Variants in KCNQ1 observed in about 807,000 individuals in gnomAD.
The protein encoded by KCNQ1 is potassium voltage-gated channel subfamily Q member 1.
In KCNQ1, 49 loss-of-function variants were observed where a neutral mutation model predicts 72.4. The ratio of observed to expected loss-of-function variants is 0.68; its 90% CI spans 0.54 to 0.86. The LOEUF (loss-of-function observed/expected upper bound fraction) is 0.86, where lower values mean the gene tolerates loss of function less well. Ranked by LOEUF, KCNQ1 falls within the 40% of genes least tolerant of loss-of-function variation. KCNQ1 has a pLI of 0.00. For missense variants in KCNQ1, 790 were observed against 945.1 expected, an observed-to-expected ratio of 0.84 and a Z score of 2.15; for synonymous variants, 450 against 412.6, an observed-to-expected ratio of 1.09 and a Z score of -1.10.
At chr11:2,722,827 C>A (rs1845691789) in intron 11 of KCNQ1, among the ~76,000 whole-genome samples, 1 of 152,192 alleles carries the variant, frequency 6.6e-6, no homozygotes, top group South Asian at 2.1e-4. Context: ...GCTCAGCCAA[C>A]TGACACCAGG....
intron 6 of KCNQ1, among the ~76,000 whole-genome samples, chr11:2,575,231 G>A (rs962970555): frequency 4.6e-5 from 7 of 152,194 alleles, no homozygotes; most frequent in African/African-American, 1.2e-4. Context: ...CCCGCTGGCC[G>A]GGAACACGGC....
chr11:2,532,815 G>A (rs748522258), intron 2 of KCNQ1, among the ~76,000 whole-genome samples: 9 of 152,220 alleles, frequency 5.9e-5, no homozygotes, highest in Non-Finnish European at 1.2e-4. Flanking sequence ...GGAGGAGTGA[G>A]GACGGCTGTT....
Position 2,698,724 on chromosome 11 carries a change from C to T in KCNQ1, c.1514+36643C>T, listed in dbSNP as rs960708587. On this transcript the variant is annotated intron_variant, in intron 11 of 15. Transcript: ENST00000155840. The surrounding 1 kb of genome is among the most constrained non-coding windows in gnomAD (Gnocchi z 5.1). ...TCCAGACCCTGACTCCAGTCGCCAA[C>T]TCGGACCTCCCTTGGATCTCAACTC... 7.5e-6 allele frequency: 3 copies of T among 398,858 alleles called. No homozygotes were observed. Among genetic ancestry groups the T allele is most frequent in the African/African-American group, 2.1e-5 (1 of 48,610 alleles). 24.7% of individuals were successfully genotyped at this position (398,858 alleles called of 1,614,324 possible).
At chr11:2,722,363 C>T (rs1340655066) in intron 11 of KCNQ1, among the ~76,000 whole-genome samples, 1 of 152,176 alleles carries the variant, frequency 6.6e-6, no homozygotes, top group Non-Finnish European at 1.5e-5. Flanking sequence ...GAGGCAAGGC[C>T]AGCCCATCCT....
intron 10 of KCNQ1, chr11:2,616,950 A>G (rs1589983635): frequency 2.6e-6 from 1 of 381,450 alleles, no homozygotes; most frequent in Non-Finnish European, 4.5e-6. Context: ...CTGGCTGTAC[A>G]TTATCTTGTT....
chr11:2,447,826 G>A lies in KCNQ1; in HGVS notation c.386+2342G>A, dbSNP rs983037914. ...TGCAGGGGGGTTGAGGCAGGAGCCG[G>A]TGTTCCGCTGACCCTACAGGGCTAG... is the stretch of plus-strand genomic sequence containing the variant. On this transcript the variant is annotated intron_variant, in intron 1 of 15. Coordinates refer to ENST00000155840, the MANE Select transcript of KCNQ1 (RefSeq NM_000218.3). The surrounding 1 kb of genome is among the most constrained non-coding windows in gnomAD (Gnocchi z 7.6). 3.3e-5 allele frequency among the ~76,000 whole-genome samples: 5 copies of A among 152,176 alleles called. No homozygotes were observed. The highest frequency in any genetic ancestry group is 5.9e-5 in the Non-Finnish European group (4 of 68,002).
At chr11:2,634,111 A>G (rs996109377) in intron 10 of KCNQ1, 1 of 379,220 alleles carries the variant, frequency 2.6e-6, no homozygotes, top group East Asian at 3.6e-5. Context: ...TGTTTTTGCT[A>G]TTTCGGTGAA....
intron 1 of KCNQ1, among the ~76,000 whole-genome samples, chr11:2,452,540 C>T (rs1303330038): frequency 2.1e-4 from 31 of 151,074 alleles, no homozygotes; most frequent in Admixed American, 1.3e-3. Flanking sequence ...GGAGACGGGG[C>T]GGGAACCTCC....
chr11:2,464,742 C>T lies in KCNQ1; in HGVS notation c.386+19258C>T, dbSNP rs539564742. Among the ~76,000 whole-genome samples, 12 of 152,192 alleles carry T rather than the reference C, an allele frequency of 7.9e-5. No homozygotes were observed. The highest frequency in any genetic ancestry group is 1.3e-4 in the Non-Finnish European group (9 of 67,990). ...ATGCTGGTGGGAAGAACAGTCTGGG[C>T]GAGGAGGAAAGGGTGGCTCTGCTGA... On this transcript the variant is annotated intron_variant, in intron 1 of 15. Transcript: ENST00000155840. This position sits in a 1 kb window ranked among gnomAD's most constrained non-coding sequence, Gnocchi z 5.0.
chr11:2,675,587 A>C (rs897312805), intron 11 of KCNQ1: 7 of 398,504 alleles, frequency 1.8e-5, no homozygotes, highest in Middle Eastern at 1.2e-3. Flanking sequence ...ACTTCCTAGG[A>C]GATCCCAATT....
At position 2,704,257 on chromosome 11, in the gene KCNQ1, G is replaced by A. The variant is rs980403101; in HGVS notation, c.1514+42176G>A. Among the ~76,000 whole-genome samples the A allele has an allele frequency of 4.6e-5, 7 of 152,218 alleles. No homozygotes were observed. The highest frequency in any genetic ancestry group is 1.0e-4 in the Non-Finnish European group (7 of 68,038). ...GTTCCAGAATCTTCCGCCTCCTGTG[G>A]CCTGTGTGTCGCCTGCACCTGCATT... On this transcript the variant is annotated intron_variant, in intron 11 of 15. Coordinates refer to ENST00000155840, the MANE Select transcript of KCNQ1 (RefSeq NM_000218.3). The surrounding 1 kb of genome is among the most constrained non-coding windows in gnomAD (Gnocchi z 4.3).
chr11:2,499,531 CA>C (rs1457067320), intron 1 of KCNQ1, among the ~76,000 whole-genome samples: 10 of 145,024 alleles, frequency 6.9e-5, no homozygotes, highest in Non-Finnish European at 1.2e-4. Flanking sequence ...CCCCTGCCCC[CA>C]CAAAAAAAGA....
intron 1 of KCNQ1, among the ~76,000 whole-genome samples, chr11:2,512,200 C>T (rs1847218125): frequency 6.6e-6 from 1 of 152,190 alleles, no homozygotes. Flanking sequence ...GCCTGCCCAG[C>T]CGGTGACAAT....
chr11:2,662,408 G>C, intron 11 of KCNQ1: 1 of 475,264 alleles, frequency 2.1e-6, no homozygotes, highest in Non-Finnish European at 3.7e-6. Context: ...AAAAAGAGAC[G>C]ACTTTGTTTT....
intron 6 of KCNQ1, among the ~76,000 whole-genome samples, chr11:2,577,073 A>G (rs1848433401): frequency 6.6e-6 from 1 of 152,360 alleles, no homozygotes; most frequent in Middle Eastern, 3.4e-3. Flanking sequence ...CTGTAATCCC[A>G]GAGGCTGCAA....
chr11:2,723,634 C>T lies in KCNQ1; in HGVS notation c.1515-45210C>T, dbSNP rs1187065265. On this transcript the variant is annotated intron_variant, in intron 11 of 15. Coordinates refer to ENST00000155840, the MANE Select transcript of KCNQ1 (RefSeq NM_000218.3). This position sits in a 1 kb window ranked among gnomAD's most constrained non-coding sequence, Gnocchi z 4.2. ...CAGCAGCTCGAAGTAGCAACAGCCT[C>T]GAATCCCTCACACCTAGCGGTTGGC... Among the ~76,000 whole-genome samples, 1 of 152,200 alleles carries T rather than the reference C, an allele frequency of 6.6e-6. No individual in the cohort carries two copies. The highest frequency in any genetic ancestry group is 2.4e-5 in the African/African-American group (1 of 41,446).
chr11:2,576,870 C>T (rs944893335), intron 6 of KCNQ1, among the ~76,000 whole-genome samples: 2 of 152,240 alleles, frequency 1.3e-5, no homozygotes, highest in Non-Finnish European at 2.9e-5. Flanking sequence ...CCCACCGAGC[C>T]CCTGGGTCAG....
chr11:2,700,979 A>G (rs1350645770), intron 11 of KCNQ1, among the ~76,000 whole-genome samples: 3 of 152,206 alleles, frequency 2.0e-5, no homozygotes, highest in African/African-American at 2.4e-5. Context: ...TGGCCCTTCC[A>G]TGTGGACTGC....
In KCNQ1 at chr11:2,712,731, C is replaced by T. The variant is rs1851026595; in HGVS notation, c.1514+50650C>T. Among the ~76,000 whole-genome samples, 1 of 152,226 alleles carries T rather than the reference C, an allele frequency of 6.6e-6. No individual in the cohort carries two copies. Among genetic ancestry groups the T allele is most frequent in the Non-Finnish European group, 1.5e-5 (1 of 68,042 alleles). ...CCTCAGCCTTCCTTGCCATCCGCAACCACACCAGTGGCTGGAAAGCCAGAG... is the reference window on the plus strand; with the variant it reads ...CCTCAGCCTTCCTTGCCATCCGCAATCACACCAGTGGCTGGAAAGCCAGAG... On this transcript the variant is annotated intron_variant, in intron 11 of 15. Coordinates refer to ENST00000155840, the MANE Select transcript of KCNQ1 (RefSeq NM_000218.3). This position sits in a 1 kb window ranked among gnomAD's most constrained non-coding sequence, Gnocchi z 6.4.
Sources: gnomAD v4.1 joint callset for allele counts (sites outside exome capture counted in the v4.1 genomes callset) on GRCh38, gnomAD v4.1.1 for gene constraint, Gnocchi (gnomAD v3.1) non-coding constraint, MANE v1.5 for transcripts, NCBI Gene and HGNC (gene_info 2026-07-23, HGNC 2026-07-21) for gene names.